The following TENM2 variants were observed in gnomAD, a reference collection of about 807,000 sequenced individuals.
The protein encoded by TENM2 is teneurin transmembrane protein 2, also known as teneurin-2.
In TENM2, 52 loss-of-function variants were observed where a neutral mutation model predicts 245.2. That is an observed-to-expected ratio of 0.21 (90% confidence interval 0.17 to 0.27). TENM2 has a LOEUF of 0.27. TENM2 is among the 10% of genes least tolerant of loss of function. The pLI is 1.00. For synonymous variants in TENM2, 1,363 were observed against 1,438.9 expected (o/e 0.95, Z 1.19); for missense variants, 3,046 against 3,666.8 (o/e 0.83, Z 4.37).
intron 2 of TENM2, among the ~76,000 whole-genome samples, chr5:167,503,456 A>C (rs1769342754): frequency 6.6e-6 from 1 of 151,872 alleles, no homozygotes; most frequent in African/African-American, 2.4e-5. Context: ...GAGAAAGGAG[A>C]TGAGGGTGAT....
In TENM2 at chr5:168,262,461, A is replaced by G. The variant is rs1198275760; in HGVS notation, c.7976A>G (p.Asn2659Ser). 4 of 1,566,332 alleles carry G rather than the reference A, an allele frequency of 2.6e-6. No individual in the cohort carries two copies. The East Asian group carries it at 7.2e-5, about 28-fold the overall frequency. ...GTGTCCCAGCCCACGCTGCTGGTCA[A>G]CGGCAGGACTCGAAGGTTCACGAAC... Residue 2659 changes from asparagine to serine, a missense_variant, in exon 29 of 29, where the codon AAC becomes AGC. Asn to Ser is a conservative substitution (Grantham distance 46, BLOSUM62 1). Transcript: ENST00000518659.
the TENM2 span, among the ~76,000 whole-genome samples, chr5:167,115,218 G>T: frequency 6.6e-6 from 1 of 150,648 alleles, no homozygotes; most frequent in Non-Finnish European, 1.5e-5. Context: ...GGAGCTGGTT[G>T]TGGGTGTCTA....
chr5:167,511,599 T>G (rs1353484172), intron 2 of TENM2, among the ~76,000 whole-genome samples: 2 of 152,212 alleles, frequency 1.3e-5, no homozygotes, highest in East Asian at 3.9e-4. Context: ...TTATTGAATC[T>G]CAGTTTCCTT....
chr5:167,170,868 A>G, the TENM2 span, among the ~76,000 whole-genome samples: 2 of 143,170 alleles, frequency 1.4e-5, no homozygotes, highest in African/African-American at 6.0e-5. Context: ...CACGTCTCCT[A>G]AAACTCTTTT....
chr5:167,463,914 A>G (rs1280320738), intron 2 of TENM2, among the ~76,000 whole-genome samples: 2 of 152,160 alleles, frequency 1.3e-5, no homozygotes, highest in African/African-American at 4.8e-5. Context: ...AAAAATTTGA[A>G]GTTTGAATTT....
chr5:167,801,080 G>T (rs544095913), intron 2 of TENM2, among the ~76,000 whole-genome samples: 12 of 104,740 alleles, frequency 1.1e-4, no homozygotes, highest in African/African-American at 3.8e-4. Context: ...CCTATACTTT[G>T]AATGTATTTG....
At chr5:167,672,192 A>G (rs1205502406) in intron 2 of TENM2, among the ~76,000 whole-genome samples, 1 of 150,986 alleles carries the variant, frequency 6.6e-6, no homozygotes, top group Non-Finnish European at 1.5e-5. Context: ...ATTTCATAAA[A>G]TAACAAAAGA....
the TENM2 span, among the ~76,000 whole-genome samples, chr5:167,197,554 C>A: frequency 6.6e-6 from 1 of 152,106 alleles, no homozygotes; most frequent in East Asian, 1.9e-4. Context: ...AATCTGTTTT[C>A]ATTGTAAACT....
At chr5:167,137,003 T>C in the TENM2 span, among the ~76,000 whole-genome samples, 1 of 152,218 alleles carries the variant, frequency 6.6e-6, no homozygotes, top group Admixed American at 6.5e-5. Flanking sequence ...CAGATTGGAT[T>C]CCCCGTGAGG....
chr5:167,778,406 G>A (rs973803662), intron 2 of TENM2, among the ~76,000 whole-genome samples: 2 of 152,170 alleles, frequency 1.3e-5, no homozygotes, highest in African/African-American at 4.8e-5. Context: ...ATTACAGAGT[G>A]TTGAACAGGA....
At chr5:167,786,014 A>C (rs1267061480) in intron 2 of TENM2, among the ~76,000 whole-genome samples, 2 of 152,174 alleles carry the variant, frequency 1.3e-5, no homozygotes, top group Non-Finnish European at 1.5e-5. Context: ...AATACTACTC[A>C]TCATTTTACA....
At chr5:167,569,125 G>C (rs1369734412) in intron 2 of TENM2, among the ~76,000 whole-genome samples, 1 of 60,882 alleles carries the variant, frequency 1.6e-5, no homozygotes, top group Admixed American at 2.6e-4. Flanking sequence ...AACTGCATTT[G>C]TTTCTATCTG....
intron 2 of TENM2, chr5:167,660,144 A>AG (rs2150318557): frequency 6.6e-6 from 1 of 152,152 alleles, no homozygotes; most frequent in South Asian, 2.1e-4. Context: ...CATTCCTTAA[A>AG]GGGAGGGCTG....
At chr5:167,547,046 T>C (rs1303270816) in intron 2 of TENM2, among the ~76,000 whole-genome samples, 2 of 152,144 alleles carry the variant, frequency 1.3e-5, no homozygotes, top group Non-Finnish European at 2.9e-5. Context: ...TGAAGTCCAC[T>C]TTTTTTGATA....
chr5:167,224,610 G>A, the TENM2 span, among the ~76,000 whole-genome samples: 1 of 152,008 alleles, frequency 6.6e-6, no homozygotes, highest in Non-Finnish European at 1.5e-5. Context: ...ATACTTGGGA[G>A]CCTGGTAGTG....
rs117892865 is a variant in TENM2 at position 167,697,237 on chromosome 5, G to A, written c.503-178749G>A. 4.7e-4 allele frequency among the ~76,000 whole-genome samples: 72 copies of A among 152,246 alleles called. No individual in the cohort carries two copies. The East Asian group carries it at 0.012, about 25-fold the overall frequency. ...TGGAACACTGTCCCCCATGACACCC[G>A]CTCCTTGTTTGAAGCTCAGCAGGCA... is the stretch of plus-strand genomic sequence containing the variant. On this transcript the variant is annotated intron_variant, in intron 2 of 28. Transcript: ENST00000518659.
intron 2 of TENM2, among the ~76,000 whole-genome samples, chr5:167,401,493 T>A (rs925281186): frequency 6.6e-6 from 1 of 152,162 alleles, no homozygotes; most frequent in Non-Finnish European, 1.5e-5. Context: ...AAGAAGTCTT[T>A]AAATTTTTAA....
chr5:167,592,147 C>T lies in TENM2; in HGVS notation c.502+216674C>T, dbSNP rs73381001. 1.4e-3 allele frequency among the ~76,000 whole-genome samples: 209 copies of T among 152,254 alleles called. 1 individual carries two copies. Among genetic ancestry groups the T allele is most frequent in the African/African-American group, 4.7e-3 (196 of 41,550 alleles). On this transcript the variant is annotated intron_variant, in intron 2 of 28. Coordinates refer to ENST00000518659, the Ensembl canonical transcript of TENM2. ...ACAGTTGGATGGAACTGAATTAAAA[C>T]GATATCAAAGTTCAGTTCCTCAGCT...
the TENM2 span, among the ~76,000 whole-genome samples, chr5:167,024,272 G>A: frequency 3.0e-4 from 45 of 152,248 alleles, no homozygotes; most frequent in African/African-American, 8.4e-4. Flanking sequence ...TCAAAGCATT[G>A]TGCTTACAAT....
Sources: allele counts gnomAD v4.1 joint callset (sites outside exome capture counted in the v4.1 genomes callset), GRCh38; gene constraint gnomAD v4.1.1; transcripts MANE v1.5; gene names NCBI Gene and HGNC (gene_info 2026-07-23, HGNC 2026-07-21).